The following PHYHIPL variants were observed in gnomAD, a reference collection of about 807,000 sequenced individuals.
PHYHIPL encodes the protein phytanoyl-CoA 2-hydroxylase interacting protein like.
PHYHIPL carries 9 observed loss-of-function variants against 33.4 expected under a neutral mutation model. The ratio of observed to expected loss-of-function variants is 0.27; its 90% CI spans 0.16 to 0.47. The LOEUF (loss-of-function observed/expected upper bound fraction) is 0.47, where lower values mean the gene tolerates loss of function less well. Among genes scored for constraint, PHYHIPL ranks in the 20% least tolerant of loss-of-function variants. The pLI is 0.99. For missense variants in PHYHIPL, 365 were observed against 460.7 expected (o/e 0.79, Z 1.90); for synonymous variants, 153 against 154.1 (o/e 0.99, Z 0.05).
intron 3 of PHYHIPL, among the ~76,000 whole-genome samples, chr10:59,237,997 G>A (rs1371289958): frequency 6.6e-6 from 1 of 151,800 alleles, no homozygotes; most frequent in Admixed American, 6.6e-5. Flanking sequence ...ATTTAACTAG[G>A]TTTCTTCTGT....
At chr10:59,204,670 AT>A (rs1415639095) in intron 1 of PHYHIPL, among the ~76,000 whole-genome samples, 7 of 151,198 alleles carry the variant, frequency 4.6e-5, no homozygotes, top group African/African-American at 1.5e-4. Flanking sequence ...GTAATCTGAG[AT>A]TTTTTTTTCT....
At chr10:59,225,765 A>G (rs934833508) in intron 1 of PHYHIPL, among the ~76,000 whole-genome samples, 4 of 152,190 alleles carry the variant, frequency 2.6e-5, no homozygotes, top group African/African-American at 9.6e-5. Context: ...CTACCCCTTC[A>G]GATTAAAATC....
intron 4 of PHYHIPL, among the ~76,000 whole-genome samples, chr10:59,244,583 A>AAAAAAAAAAAAAAAAAAAAAAAAAC (rs1840573263): frequency 6.7e-6 from 1 of 149,258 alleles, no homozygotes; most frequent in Non-Finnish European, 1.5e-5. Context: ...AAAAAAAAAA[A>AAAAAAAAAAAAAAAAAAAAAAAAAC]AAAGCCAAAA....
intron 1 of PHYHIPL, among the ~76,000 whole-genome samples, chr10:59,200,491 T>A (rs1589268923): frequency 6.6e-6 from 1 of 152,210 alleles, no homozygotes; most frequent in African/African-American, 2.4e-5. Flanking sequence ...GCATCGACGT[T>A]CATCAGGGAT....
chr10:59,193,036 A>G (rs1347383060), intron 1 of PHYHIPL, among the ~76,000 whole-genome samples: 2 of 152,036 alleles, frequency 1.3e-5, no homozygotes, highest in Non-Finnish European at 2.9e-5. Flanking sequence ...CTCTTGTTAT[A>G]TTTCTTCTTC....
At position 59,246,867 on chromosome 10, in the gene PHYHIPL, A is replaced by G. The variant is rs1000992085; in HGVS notation, c.*1276A>G. 3.2e-5 allele frequency: 12 copies of G among 373,196 alleles called. No individual in the cohort carries two copies. Among genetic ancestry groups the G allele is most frequent in the Non-Finnish European group, 5.2e-5 (11 of 210,650 alleles). The allele number at this position is 373,196 out of a possible 1,614,324, so 23.1% of individuals were successfully genotyped here. A position where few individuals can be genotyped will look rare whatever the true frequency, so the allele number is the denominator to read the frequency against. On this transcript the variant is annotated 3_prime_UTR_variant, in exon 5 of 5. Coordinates refer to ENST00000373880, the MANE Select transcript of PHYHIPL (RefSeq NM_032439.4). Reference sequence around the variant, plus strand: ...GATTATATACTACAGACACATATCTATCCAAAATACCTATTTTAAATTTTT... The same window carrying G: ...GATTATATACTACAGACACATATCTGTCCAAAATACCTATTTTAAATTTTT...
rs1365043822 is a variant in PHYHIPL, at chr10:59,245,347, G to C, written c.887G>C (p.Cys296Ser). 6.2e-7 allele frequency: 1 copy of C among 1,614,140 alleles called. No individual in the cohort carries two copies. The highest frequency in any genetic ancestry group is 1.1e-5 in the South Asian group (1 of 91,074). ...GTGGGATCACCAGGAGATGAATTTT[G>C]TAAGCAGCGCCTTCCTCAACTAAAT... ...APVGSPGDEFCKQRLPQLNSK... is the reference protein window; with the variant it reads ...APVGSPGDEFSKQRLPQLNSK... The change falls in exon 5 of 5, where the codon TGT becomes TCT. Residue 296 changes from cysteine (C) to serine (S), a missense_variant. Physicochemically the swap from Cys to Ser is moderately radical, Grantham distance 112. Transcript: ENST00000373880.
At chr10:59,188,643 G>A (rs925896412) in intron 1 of PHYHIPL, among the ~76,000 whole-genome samples, 2 of 152,156 alleles carry the variant, frequency 1.3e-5, no homozygotes, top group Non-Finnish European at 1.5e-5. Flanking sequence ...TATGAATCTG[G>A]ATGCTCCTGT....
intron 4 of PHYHIPL, among the ~76,000 whole-genome samples, chr10:59,240,165 C>T (rs1272338415): frequency 2.0e-5 from 3 of 151,980 alleles, no homozygotes; most frequent in African/African-American, 4.8e-5. Flanking sequence ...TTGGTATATA[C>T]CCTAGAGTCC....
intron 1 of PHYHIPL, among the ~76,000 whole-genome samples, chr10:59,212,705 A>C (rs1187047463): frequency 6.6e-6 from 1 of 152,184 alleles, no homozygotes; most frequent in Admixed American, 6.6e-5. Flanking sequence ...GAGTCTGCCC[A>C]ATTTGTGAAT....
chr10:59,192,079 C>G (rs1224849690), intron 1 of PHYHIPL, among the ~76,000 whole-genome samples: 1 of 152,032 alleles, frequency 6.6e-6, no homozygotes, highest in Admixed American at 6.6e-5. Context: ...TGAATTTAAA[C>G]AAACACACAT....
At chr10:59,186,471 A>C (rs1323292578) in intron 1 of PHYHIPL, among the ~76,000 whole-genome samples, 1 of 152,052 alleles carries the variant, frequency 6.6e-6, no homozygotes, top group African/African-American at 2.4e-5. Context: ...TTCCATATGA[A>C]CTTTAAAGTA....
intron 1 of PHYHIPL, among the ~76,000 whole-genome samples, chr10:59,213,727 G>A (rs974375254): frequency 3.3e-5 from 5 of 152,100 alleles, no homozygotes; most frequent in African/African-American, 1.2e-4. Context: ...TAGAGTTCTT[G>A]GCTGAAAATA....
rs143516245 is a variant in PHYHIPL, at chr10:59,223,177, C to T, written c.107-11127C>T. 3.5e-4 allele frequency among the ~76,000 whole-genome samples: 54 copies of T among 152,298 alleles called. 1 individual carries two copies. The East Asian group carries it at 9.5e-3, about 27-fold the overall frequency. The stretch of plus-strand genomic sequence containing the variant: ...TGATAAATGTTCAGAGGTTTCCAAA[C>T]AAATGCAGTTTACCTTACTGTAAAT... On this transcript the variant is annotated intron_variant, in intron 1 of 4. Coordinates refer to ENST00000373880, the MANE Select transcript of PHYHIPL (RefSeq NM_032439.4).
upstream of PHYHIPL, among the ~76,000 whole-genome samples, chr10:59,174,935 T>C (rs934093130): frequency 1.1e-4 from 16 of 152,256 alleles, no homozygotes; most frequent in Non-Finnish European, 2.2e-4. Flanking sequence ...TCATAAATAT[T>C]TGCATGAGTT....
chr10:59,204,809 T>G (rs1839239178), intron 1 of PHYHIPL, among the ~76,000 whole-genome samples: 1 of 152,136 alleles, frequency 6.6e-6, no homozygotes, highest in Non-Finnish European at 1.5e-5. Flanking sequence ...CAACAAATAT[T>G]TATTAGGACC....
chr10:59,225,027 A>G (rs2133266259), intron 1 of PHYHIPL, among the ~76,000 whole-genome samples: 1 of 151,790 alleles, frequency 6.6e-6, no homozygotes, highest in East Asian at 1.9e-4. Flanking sequence ...GAAAAGTTTA[A>G]AAGTCTGATA....
intron 4 of PHYHIPL, among the ~76,000 whole-genome samples, chr10:59,244,523 C>G: frequency 7.8e-6 from 1 of 129,032 alleles, no homozygotes; most frequent in African/African-American, 2.9e-5. Context: ...AAGATCGTGC[C>G]ACTGCTCTCC....
In PHYHIPL at chr10:59,247,526, T is replaced by C. The variant is rs1840820947; in HGVS notation, c.*1935T>C. On this transcript the variant is annotated 3_prime_UTR_variant, in exon 5 of 5. Coordinates refer to ENST00000373880, the MANE Select transcript of PHYHIPL (RefSeq NM_032439.4). ...ACCACTAAAGTGCTTCCATTTTCAT[T>C]GTGTCAAAACTACTTAGCAAGGATG... The C allele has an allele frequency of 3.9e-6, 6 of 1,541,848 alleles. No individual in the cohort carries two copies. In the South Asian group the frequency reaches 4.6e-5, roughly 12 times the overall value.
Sources: allele counts gnomAD v4.1 joint callset (sites outside exome capture counted in the v4.1 genomes callset), GRCh38; gene constraint gnomAD v4.1.1; transcripts MANE v1.5; gene names NCBI Gene and HGNC (gene_info 2026-07-23, HGNC 2026-07-21).